AUTS2: variants seen among roughly 807,000 people sequenced by gnomAD.
AUTS2 encodes the protein autism susceptibility gene 2 protein.
A neutral mutation model predicts 112.4 loss-of-function variants in AUTS2; 17 were observed. The ratio of observed to expected loss-of-function variants is 0.15; its 90% CI spans 0.10 to 0.23. The LOEUF is 0.23. AUTS2 is among the 10% of genes least tolerant of loss of function. The pLI is 1.00. For missense variants in AUTS2, 1,510 were observed against 1,701.6 expected, an observed-to-expected ratio of 0.89 and a Z score of 1.98; for synonymous variants, 751 against 702.7, an observed-to-expected ratio of 1.07 and a Z score of -1.09.
intron 1 of AUTS2, among the ~76,000 whole-genome samples, chr7:69,842,174 A>G (rs531259859): frequency 1.3e-5 from 2 of 152,296 alleles, no homozygotes; most frequent in African/African-American, 4.8e-5. Flanking sequence ...AAGAAATCTG[A>G]ATGGTGTTTA....
chr7:70,503,464 G>A (rs1262209312), intron 5 of AUTS2, among the ~76,000 whole-genome samples: 2 of 151,206 alleles, frequency 1.3e-5, no homozygotes, highest in Admixed American at 1.3e-4. Context: ...TACTTGAGAG[G>A]TTGAGGTGGG....
rs372048632 is a variant in AUTS2, at chr7:70,766,035, G to T, written c.1469-79G>T. The T allele has an allele frequency of 6.4e-7, 1 of 1,557,678 alleles. No homozygotes were observed. The highest frequency in any genetic ancestry group is 1.2e-5 in the South Asian group (1 of 81,414). On this transcript the variant is annotated intron_variant, in intron 8 of 18. Transcript: ENST00000342771. This position sits in a 1 kb window ranked among gnomAD's most constrained non-coding sequence, Gnocchi z 4.8. The stretch of plus-strand genomic sequence containing the variant: ...CCCCTGCCACTGTGTCACCAGCCCC[G>T]TACCCCTCCACAGGAAGGCAGTCCG...
At chr7:70,533,703 G>C (rs542084158) in intron 5 of AUTS2, among the ~76,000 whole-genome samples, 1 of 152,326 alleles carries the variant, frequency 6.6e-6, no homozygotes, top group South Asian at 2.1e-4. Context: ...AATCTCTGCC[G>C]ATGCAGACCT....
At chr7:70,772,692 G>C (rs1205403925) in intron 11 of AUTS2, among the ~76,000 whole-genome samples, 2 of 152,206 alleles carry the variant, frequency 1.3e-5, no homozygotes, top group Non-Finnish European at 2.9e-5. Flanking sequence ...GCATTGAATT[G>C]CATTGAATTC....
At chr7:70,344,307 G>A (rs1005302601) in intron 4 of AUTS2, among the ~76,000 whole-genome samples, 3 of 152,068 alleles carry the variant, frequency 2.0e-5, no homozygotes, top group African/African-American at 7.2e-5. Flanking sequence ...AAAAAAATAC[G>A]AGGCATGAGA....
chr7:69,803,656 C>T (rs960808516), intron 1 of AUTS2, among the ~76,000 whole-genome samples: 4 of 152,200 alleles, frequency 2.6e-5, no homozygotes, highest in Admixed American at 1.3e-4. Context: ...CTCAACTGTT[C>T]CCACCTGTTC....
intron 2 of AUTS2, among the ~76,000 whole-genome samples, chr7:69,921,439 G>A (rs771866988): frequency 1.4e-5 from 2 of 146,286 alleles, no homozygotes; most frequent in Non-Finnish European, 3.0e-5. Flanking sequence ...AGACATTTAT[G>A]AAAACCATTC....
chr7:70,007,172 A>G (rs944148875), intron 2 of AUTS2, among the ~76,000 whole-genome samples: 4 of 152,236 alleles, frequency 2.6e-5, no homozygotes, highest in African/African-American at 9.6e-5. Context: ...TTTGATGCAG[A>G]CAACCTTGGT....
At chr7:69,851,648 A>G (rs954401756) in intron 1 of AUTS2, among the ~76,000 whole-genome samples, 15 of 152,130 alleles carry the variant, frequency 9.9e-5, no homozygotes, top group African/African-American at 3.4e-4. Context: ...TTTTATTTAG[A>G]TCATCTTTGA....
intron 5 of AUTS2, among the ~76,000 whole-genome samples, chr7:70,489,109 G>A (rs756419008): frequency 1.3e-5 from 2 of 152,128 alleles, no homozygotes; most frequent in Non-Finnish European, 2.9e-5. Flanking sequence ...AAAAAACACA[G>A]ATACATTGAG....
chr7:70,094,684 T>C (rs1804097779), intron 2 of AUTS2, among the ~76,000 whole-genome samples: 1 of 152,204 alleles, frequency 6.6e-6, no homozygotes, highest in Admixed American at 6.5e-5. Flanking sequence ...TAGGGTTGCA[T>C]GGCAGTACCC....
intron 4 of AUTS2, among the ~76,000 whole-genome samples, chr7:70,242,358 G>C (rs1203392958): frequency 2.0e-5 from 3 of 152,106 alleles, no homozygotes; most frequent in Non-Finnish European, 4.4e-5. Flanking sequence ...AGGCCTCTCA[G>C]TTCATCTTTG....
intron 5 of AUTS2, among the ~76,000 whole-genome samples, chr7:70,585,329 T>C (rs1458100445): frequency 6.6e-6 from 1 of 152,148 alleles, no homozygotes; most frequent in Non-Finnish European, 1.5e-5. Context: ...GGTGTTTTCT[T>C]GCGCTCAGAG....
At chr7:69,694,141 T>A (rs929218792) in intron 1 of AUTS2, among the ~76,000 whole-genome samples, 1 of 152,182 alleles carries the variant, frequency 6.6e-6, no homozygotes. Context: ...GCTGGGGCAG[T>A]TAGGTGGAAC....
At chr7:70,352,006 A>G (rs565019123) in intron 4 of AUTS2, among the ~76,000 whole-genome samples, 1 of 152,168 alleles carries the variant, frequency 6.6e-6, no homozygotes, top group East Asian at 1.9e-4. Context: ...CCCAGCCTTG[A>G]CCATTATTTT....
intron 4 of AUTS2, among the ~76,000 whole-genome samples, chr7:70,343,880 T>A (rs1791381622): frequency 6.6e-6 from 1 of 152,048 alleles, no homozygotes; most frequent in Admixed American, 6.6e-5. Context: ...TGTGTAACTG[T>A]GAGTGCTGGG....
intron 5 of AUTS2, among the ~76,000 whole-genome samples, chr7:70,564,895 C>G (rs938840341): frequency 1.3e-5 from 2 of 152,072 alleles, no homozygotes; most frequent in African/African-American, 4.8e-5. Context: ...GTCAGGAGTT[C>G]AAGACCAGCC....
intron 4 of AUTS2, among the ~76,000 whole-genome samples, chr7:70,329,859 G>T (rs1369848507): frequency 1.3e-5 from 2 of 152,032 alleles, no homozygotes; most frequent in Non-Finnish European, 2.9e-5. Context: ...AGTTATGGAG[G>T]CTGGGAAATC....
rs973467545 is a variant in AUTS2, at chr7:70,789,825, G to A, written c.2609G>A (p.Arg870His). The change falls in exon 19 of 19, where the codon CGC becomes CAC. Residue 870 changes from arginine to histidine, a missense_variant. This residue lies in a region of AUTS2 where 788 missense variants were observed against 797.6 expected (regional missense o/e 0.99). Transcript: ENST00000342771. Reference sequence around the variant, plus strand: ...CCGGTGAATGCCCTGGGACATACCCGCAGCTCCACTGAACAGATCCGGGCT... The same window carrying A: ...CCGGTGAATGCCCTGGGACATACCCACAGCTCCACTGAACAGATCCGGGCT... ...VLPVNALGHT[R>H]SSTEQIRAHL... The A allele has an allele frequency of 2.7e-5, 43 of 1,614,120 alleles. No individual in the cohort carries two copies. Among genetic ancestry groups the A allele is most frequent in the Non-Finnish European group, 3.6e-5 (42 of 1,180,014 alleles).
Sources: gnomAD v4.1 joint callset for allele counts (sites outside exome capture counted in the v4.1 genomes callset) on GRCh38, gnomAD v4.1.1 for gene constraint, gnomAD v4.1.1 regional missense constraint, Gnocchi (gnomAD v3.1) non-coding constraint, MANE v1.5 for transcripts, NCBI Gene and HGNC (gene_info 2026-07-23, HGNC 2026-07-21) for gene names.